Variants in NTRK2 observed in about 807,000 individuals in gnomAD.
The protein encoded by NTRK2 is BDNF/NT-3 growth factors receptor.
In NTRK2, 13 loss-of-function variants were observed where a neutral mutation model predicts 94.5. The ratio of observed to expected loss-of-function variants is 0.14; its 90% CI spans 0.09 to 0.22. The LOEUF (loss-of-function observed/expected upper bound fraction) is 0.22. Among genes scored for constraint, NTRK2 ranks in the 10% least tolerant of loss-of-function variants. The pLI, the probability that NTRK2 is intolerant of heterozygous loss-of-function variation, is 1.00. For synonymous variants in NTRK2, 372 were observed against 407.4 expected, an observed-to-expected ratio of 0.91 and a Z score of 1.05; for missense variants, 639 against 1,071.2, an observed-to-expected ratio of 0.60 and a Z score of 5.63.
At chr9:84,907,688 CT>C (rs199660493) in intron 14 of NTRK2, among the ~76,000 whole-genome samples, 26,534 of 133,752 alleles carry the variant, frequency 0.2, 2,365 homozygotes, top group African/African-American at 0.28. Context: ...TACTCTTCTT[CT>C]TTTTTTTTTT....
intron 12 of NTRK2, 74 bp from the exon 13 acceptor site, chr9:84,860,966 C>A (rs2131991629): frequency 1.0e-6 from 1 of 1,004,144 alleles, no homozygotes; most frequent in South Asian, 1.4e-5. Flanking sequence ...ATTATTTGAC[C>A]AAGGACAGTG....
At chr9:84,797,568 T>TTA (rs1464057362) in intron 12 of NTRK2, among the ~76,000 whole-genome samples, 1 of 85,874 alleles carries the variant, frequency 1.2e-5, no homozygotes, top group African/African-American at 5.8e-5. Flanking sequence ...ATACTATATA[T>TTA]TATATATATT....
At chr9:84,987,615 A>G (rs1828490476) in intron 17 of NTRK2, among the ~76,000 whole-genome samples, 1 of 152,220 alleles carries the variant, frequency 6.6e-6, no homozygotes, top group Non-Finnish European at 1.5e-5. Flanking sequence ...CAGTTTAAAA[A>G]TTATTTTTCT....
chr9:84,751,646 C>T (rs2064624501), intron 11 of NTRK2, among the ~76,000 whole-genome samples: 1 of 152,204 alleles, frequency 6.6e-6, no homozygotes, highest in Non-Finnish European at 1.5e-5. Context: ...CTCTCTCTCC[C>T]TTTCTCTGCC....
intron 12 of NTRK2, among the ~76,000 whole-genome samples, chr9:84,827,304 TACTC>T (rs752951120): frequency 9.9e-5 from 15 of 152,210 alleles, no homozygotes; most frequent in Non-Finnish European, 1.6e-4. Flanking sequence ...GGGCAGCTGA[TACTC>T]ACTCGTTCAT....
In NTRK2 at chr9:84,735,425, G is replaced by A. The variant is rs1156646661; in HGVS notation, c.1160-6467G>A. On this transcript the variant is annotated intron_variant, in intron 9 of 18. Coordinates refer to ENST00000277120, the MANE Select transcript of NTRK2 (RefSeq NM_006180.6). ...GATGATGCCAGTACTGCTGGTCCAT[G>A]GATCATACTTTGCTTAGTGAGGATG... Among the ~76,000 whole-genome samples, 5 of 152,268 alleles carry A rather than the reference G, an allele frequency of 3.3e-5. No homozygotes were observed. The East Asian group carries it at 9.6e-4, about 29-fold the overall frequency.
At chr9:84,993,672 C>T (rs1829374343) in intron 17 of NTRK2, among the ~76,000 whole-genome samples, 1 of 152,204 alleles carries the variant, frequency 6.6e-6, no homozygotes, top group East Asian at 1.9e-4. Context: ...AATCCTTTCT[C>T]TGGCCTGCGA....
In NTRK2 at chr9:84,894,185, A is replaced by AGGGGGGG. The variant is rs1291296307; in HGVS notation, c.1633+26754_1633+26755insGGGGGGG. On this transcript the variant is annotated intron_variant, in intron 14 of 18. Coordinates refer to ENST00000277120, the MANE Select transcript of NTRK2 (RefSeq NM_006180.6). ...ATTTGGGAGAATATATTTTTATAAC[A>AGGGGGGG]CATTGAATAGTCCTCATTGCACACC... 4.1e-5 allele frequency among the ~76,000 whole-genome samples: 6 copies of AGGGGGGG among 146,850 alleles called. No homozygotes were observed. In the Admixed American group the frequency reaches 4.1e-4, roughly 10 times the overall value.
chr9:84,910,019 G>C (rs1387848585), intron 14 of NTRK2, among the ~76,000 whole-genome samples: 1 of 152,140 alleles, frequency 6.6e-6, no homozygotes, highest in Non-Finnish European at 1.5e-5. Flanking sequence ...TTTAGATCCT[G>C]AAGGTTATCT....
intron 17 of NTRK2, among the ~76,000 whole-genome samples, chr9:84,999,651 A>AT (rs1830127544): frequency 6.6e-6 from 1 of 152,228 alleles, no homozygotes; most frequent in Non-Finnish European, 1.5e-5. Flanking sequence ...TAGTGTGTAT[A>AT]TTTCATGGTA....
At chr9:84,818,153 A>G (rs544229443) in intron 12 of NTRK2, among the ~76,000 whole-genome samples, 14 of 152,308 alleles carry the variant, frequency 9.2e-5, no homozygotes, top group East Asian at 5.8e-4. Flanking sequence ...ACGATTAGGA[A>G]ACTGAGGAAT....
chr9:85,023,321 T>C lies in NTRK2; in HGVS notation c.*1884T>C, dbSNP rs201126282. The C allele has an allele frequency of 1.3e-5, 3 of 232,650 alleles. No individual in the cohort carries two copies. The highest frequency in any genetic ancestry group is 2.2e-5 in the African/African-American group (1 of 45,332). The allele number at this position is 232,650 out of a possible 1,614,324, so 14.4% of individuals were successfully genotyped here. A position where few individuals can be genotyped will look rare whatever the true frequency, so the allele number is the denominator to read the frequency against. On this transcript the variant is annotated 3_prime_UTR_variant, in exon 19 of 19. Coordinates refer to ENST00000277120, the MANE Select transcript of NTRK2 (RefSeq NM_006180.6). ...AGTGATTTTCATTCATCTTAGGTCA[T>C]GTTATTTCATATTTGTTTCTGAAGG... is the stretch of plus-strand genomic sequence containing the variant.
intron 12 of NTRK2, chr9:84,811,993 G>C (rs201914614): frequency 5.1e-6 from 5 of 985,630 alleles, no homozygotes; most frequent in Non-Finnish European, 6.0e-6. Context: ...AACACAATCA[G>C]CTCTGACAGT....
chr9:84,895,909 A>G (rs1250551446), intron 14 of NTRK2, among the ~76,000 whole-genome samples: 1 of 152,254 alleles, frequency 6.6e-6, no homozygotes, highest in African/African-American at 2.4e-5. Context: ...AAAGGGTGCC[A>G]TGGGGCATTC....
intron 17 of NTRK2, among the ~76,000 whole-genome samples, chr9:85,002,683 C>T (rs1011131361): frequency 6.6e-6 from 1 of 152,152 alleles, no homozygotes; most frequent in Non-Finnish European, 1.5e-5. Context: ...AGCATATATA[C>T]TTCTTGTTAT....
At chr9:84,720,389 C>A (rs1396972605) in intron 6 of NTRK2, among the ~76,000 whole-genome samples, 1 of 152,182 alleles carries the variant, frequency 6.6e-6, no homozygotes, top group Non-Finnish European at 1.5e-5. Context: ...GATTTACATA[C>A]TGAATATTAA....
chr9:84,849,478 C>T (rs2074645923), intron 12 of NTRK2, among the ~76,000 whole-genome samples: 1 of 152,230 alleles, frequency 6.6e-6, no homozygotes, highest in South Asian at 2.1e-4. Flanking sequence ...CCGTGCTATA[C>T]CAAATTTGGT....
chr9:84,708,616 G>A (rs2131803791), intron 5 of NTRK2, among the ~76,000 whole-genome samples: 1 of 152,328 alleles, frequency 6.6e-6, no homozygotes, highest in East Asian at 1.9e-4. Context: ...TCCTAATGCA[G>A]AGGCTTTGTG....
Position 85,021,287 on chromosome 9 carries a change from G to A in NTRK2, c.2367G>A (p.Gln789=), listed in dbSNP as rs1371825190. The change falls in exon 19 of 19, where the codon CAG becomes CAA. Residue 789 remains glutamine, a synonymous_variant. Transcript: ENST00000277120. ...GTATCACTCAGGGCCGAGTCCTGCAGCGACCCCGCACGTGCCCCCAGGAGG... is the reference window on the plus strand; with the variant it reads ...GTATCACTCAGGGCCGAGTCCTGCAACGACCCCGCACGTGCCCCCAGGAGG... ...IECITQGRVL[Q]RPRTCPQEVY... 6.2e-7 allele frequency: 1 copy of A among 1,613,978 alleles called. No homozygotes were observed. The highest frequency in any genetic ancestry group is 1.3e-5 in the African/African-American group (1 of 74,900).
Sources: allele counts gnomAD v4.1 joint callset (sites outside exome capture counted in the v4.1 genomes callset), GRCh38; gene constraint gnomAD v4.1.1; transcripts MANE v1.5; gene names NCBI Gene and HGNC (gene_info 2026-07-23, HGNC 2026-07-21).